The following CELF2 variants were observed in gnomAD, a reference collection of about 807,000 sequenced individuals.
CELF2 encodes CUG triplet repeat RNA-binding protein 2.
A neutral mutation model predicts 62.6 loss-of-function variants in CELF2; 8 were observed. The observed-to-expected ratio is 0.13, with a 90% CI of 0.07 to 0.23. The LOEUF (loss-of-function observed/expected upper bound fraction) is 0.23, where lower values mean the gene tolerates loss of function less well. Among genes scored for constraint, CELF2 ranks in the 10% least tolerant of loss-of-function variants. The probability of loss-of-function intolerance (pLI) is 1.00; values close to 1 mark genes in which losing one functional copy is unlikely to be tolerated. For synonymous variants in CELF2, 258 were observed against 250.0 expected, an observed-to-expected ratio of 1.03 and a Z score of -0.30; for missense variants, 333 against 671.0, an observed-to-expected ratio of 0.50 and a Z score of 5.56.
At chr10:11,102,288 C>A (rs1020703406) in intron 1 of CELF2, 1 of 152,214 alleles carries the variant, frequency 6.6e-6, no homozygotes, top group Non-Finnish European at 1.5e-5. Flanking sequence ...ACTTGCCCGA[C>A]TGTGCTAATT....
chr10:10,715,604 T>C, the CELF2 span, among the ~76,000 whole-genome samples: 1 of 152,224 alleles, frequency 6.6e-6, no homozygotes, highest in African/African-American at 2.4e-5. Flanking sequence ...CACTGTAGGA[T>C]TGTTCTATGA....
At chr10:11,006,799 A>T (rs573621370) in intron 1 of CELF2, among the ~76,000 whole-genome samples, 1 of 152,288 alleles carries the variant, frequency 6.6e-6, no homozygotes, top group Non-Finnish European at 1.5e-5. Flanking sequence ...TTGATTTTTG[A>T]TTTATGCTTA....
At chr10:10,673,969 A>T in the CELF2 span, among the ~76,000 whole-genome samples, 41 of 152,170 alleles carry the variant, frequency 2.7e-4, no homozygotes, top group Non-Finnish European at 5.3e-4. Context: ...TGAATCTTCC[A>T]TGTCAGCTTG....
chr10:11,251,516 G>A (rs150015840), intron 4 of CELF2, among the ~76,000 whole-genome samples: 20 of 152,036 alleles, frequency 1.3e-4, no homozygotes, highest in African/African-American at 3.4e-4. Flanking sequence ...ACCGGGCACC[G>A]TTATTTCTAG....
chr10:10,701,562 T>A, the CELF2 span, among the ~76,000 whole-genome samples: 1 of 152,182 alleles, frequency 6.6e-6, no homozygotes, highest in Non-Finnish European at 1.5e-5. Flanking sequence ...GGGCTCCAGG[T>A]TTCACAGGAA....
the CELF2 span, among the ~76,000 whole-genome samples, chr10:10,510,398 C>CT: frequency 6.6e-6 from 1 of 152,192 alleles, no homozygotes; most frequent in African/African-American, 2.4e-5. Context: ...GTGGTCCTGC[C>CT]TAGTAAGCCA....
Position 10,990,243 on chromosome 10 carries a change from C to T in CELF2, c.89+70244C>T, listed in dbSNP as rs923431176. Among the ~76,000 whole-genome samples the T allele has an allele frequency of 5.9e-5, 9 of 151,788 alleles. No individual in the cohort carries two copies. Among genetic ancestry groups the T allele is most frequent in the African/African-American group, 1.7e-4 (7 of 41,318 alleles). On this transcript the variant is annotated intron_variant, in intron 2 of 13. Transcript: ENST00000636488. The surrounding 1 kb of genome is among the most constrained non-coding windows in gnomAD (Gnocchi z 4.6). ...TATAATCCTTGGAAAATATTTTCAA[C>T]GTCATTATGTGGGAAAAATATATCA...
rs1250357301 is a variant in CELF2, at chr10:11,178,406, T to C, written c.271+12724T>C. Among the ~76,000 whole-genome samples the C allele has an allele frequency of 1.3e-5, 2 of 152,234 alleles. No homozygotes were observed. Among genetic ancestry groups the C allele is most frequent in the African/African-American group, 4.8e-5 (2 of 41,468 alleles). ...GGGCCCTTCCACCAGGCCCACTCCC[T>C]GCAAAGGAAGTGCTTCCGAGAGCCA... On this transcript the variant is annotated intron_variant, in intron 2 of 12. Transcript: ENST00000633077. This position sits in a 1 kb window ranked among gnomAD's most constrained non-coding sequence, Gnocchi z 4.3.
chr10:10,889,637 A>G (rs1463155825), intron 1 of CELF2, among the ~76,000 whole-genome samples: 1 of 152,250 alleles, frequency 6.6e-6, no homozygotes, highest in African/African-American at 2.4e-5. Context: ...AATAAAACTC[A>G]TGAGCAAATG....
At chr10:10,968,212 C>A (rs985663776) in intron 2 of CELF2, among the ~76,000 whole-genome samples, 1 of 152,088 alleles carries the variant, frequency 6.6e-6, no homozygotes. Flanking sequence ...GAATTGACAG[C>A]GCATCTTTTT....
At chr10:10,661,302 A>T in the CELF2 span, among the ~76,000 whole-genome samples, 1 of 152,332 alleles carries the variant, frequency 6.6e-6, no homozygotes, top group African/African-American at 2.4e-5. Context: ...TCTCAGCAAG[A>T]TATCATTGAG....
chr10:10,647,660 G>A, the CELF2 span, among the ~76,000 whole-genome samples: 2 of 152,124 alleles, frequency 1.3e-5, no homozygotes, highest in African/African-American at 4.8e-5. Context: ...ATATCCCCGG[G>A]CCTTGGAGAA....
At chr10:11,087,210 A>G (rs536261684) in intron 1 of CELF2, among the ~76,000 whole-genome samples, 2 of 152,342 alleles carry the variant, frequency 1.3e-5, no homozygotes, top group South Asian at 4.1e-4. Context: ...GGACGACCCC[A>G]GGAATGCTCT....
At chr10:10,968,281 G>A (rs375494769) in intron 2 of CELF2, among the ~76,000 whole-genome samples, 1 of 152,098 alleles carries the variant, frequency 6.6e-6, no homozygotes, top group Non-Finnish European at 1.5e-5. Context: ...TTCTTGGCTT[G>A]TAAATTTGGA....
intron 2 of CELF2, among the ~76,000 whole-genome samples, chr10:10,998,653 C>T (rs796279968): frequency 6.6e-6 from 1 of 152,038 alleles, no homozygotes; most frequent in African/African-American, 2.4e-5. Context: ...GTCAGCAGAG[C>T]GCAGGCTGAC....
chr10:11,209,798 G>A (rs56142546), intron 2 of CELF2, among the ~76,000 whole-genome samples: 147,889 of 150,584 alleles, frequency 0.98, 72,679 homozygotes, highest in East Asian at 1. Flanking sequence ...AAAAAAAAAA[G>A]GTATTAAATT....
At chr10:11,053,620 T>C (rs1418654784) in intron 1 of CELF2, among the ~76,000 whole-genome samples, 1 of 149,074 alleles carries the variant, frequency 6.7e-6, no homozygotes, top group Non-Finnish European at 1.5e-5. Flanking sequence ...TTCTTTTTTT[T>C]TTTTTTTTTT....
chr10:10,528,293 A>G, the CELF2 span, among the ~76,000 whole-genome samples: 1 of 152,286 alleles, frequency 6.6e-6, no homozygotes, highest in African/African-American at 2.4e-5. Flanking sequence ...GATTGCTGGG[A>G]GGGCAGAAAG....
chr10:11,033,669 G>C (rs1388685755), intron 1 of CELF2, among the ~76,000 whole-genome samples: 1 of 152,216 alleles, frequency 6.6e-6, no homozygotes, highest in African/African-American at 2.4e-5. Flanking sequence ...AAGGTAATTA[G>C]ACTAGAACCA....
Sources: gnomAD v4.1 joint callset for allele counts (sites outside exome capture counted in the v4.1 genomes callset) on GRCh38, gnomAD v4.1.1 for gene constraint, Gnocchi (gnomAD v3.1) non-coding constraint, MANE v1.5 for transcripts, NCBI Gene and HGNC (gene_info 2026-07-23, HGNC 2026-07-21) for gene names.